ACAN: variants seen among roughly 807,000 people sequenced by gnomAD.
The protein encoded by ACAN is aggrecan core protein.
A neutral mutation model predicts 169.1 loss-of-function variants in ACAN; 47 were observed. The ratio of observed to expected loss-of-function variants is 0.28; its 90% confidence interval spans 0.22 to 0.35. The LOEUF (loss-of-function observed/expected upper bound fraction) is 0.35. Ranked by LOEUF, ACAN falls within the 10% of genes least tolerant of loss-of-function variation. The probability of loss-of-function intolerance (pLI) is 1.00; values close to 1 mark genes in which losing one functional copy is unlikely to be tolerated. For synonymous variants in ACAN, 1,115 were observed against 1,112.2 expected, an observed-to-expected ratio of 1.00 and a Z score of -0.05; for missense variants, 2,716 against 2,759.9, an observed-to-expected ratio of 0.98 and a Z score of 0.36.
intron 11 of ACAN, among the ~76,000 whole-genome samples, chr15:88,854,110 C>A (rs1207305614): frequency 6.6e-6 from 1 of 152,040 alleles, no homozygotes; most frequent in Non-Finnish European, 1.5e-5. Flanking sequence ...TTTTTCATTT[C>A]TCTGTTTTTC....
At position 88,859,123 on chromosome 15, in the gene ACAN, G is replaced by C. The variant is rs1424484084; in HGVS notation, c.6538G>C (p.Glu2180Gln). Residue 2180 changes from glutamate (E) to glutamine (Q), a missense_variant, in exon 12 of 19, where the codon GAG (glutamate) becomes CAG (glutamine). By Grantham distance (29) the Glu-to-Gln change is conservative. Transcript: ENST00000560601. The part of the protein sequence containing the change: ...ESTTTSDVGT[E>Q]APGLPSATPT... ...CACCACCACCAGTGATGTGGGGACA[G>C]AGGCACCAGGCTTGCCTTCAGCCAC... 1.9e-6 allele frequency: 3 copies of C among 1,613,746 alleles called. No homozygotes were observed. The highest frequency in any genetic ancestry group is 1.1e-5 in the South Asian group (1 of 91,092).
rs770581471 is a variant in ACAN at position 88,849,614 on chromosome 15, G to A, written c.1909G>A (p.Val637Ile). 91 of 1,611,538 alleles carry A rather than the reference G, an allele frequency of 5.6e-5. 2 individuals carry two copies. In the South Asian group the frequency reaches 6.3e-4, roughly 11 times the overall value. ...LADGSLRYPIVTPRPACGGDK... is the reference protein window; with the variant it reads ...LADGSLRYPIITPRPACGGDK... The stretch of plus-strand genomic sequence containing the variant: ...CGACGGCAGCCTCCGCTACCCCATC[G>A]TCACCCCAAGGCCTGCCTGCGGTGG... The change falls in exon 10 of 19, where the codon GTC becomes ATC. Residue 637 changes from valine (V) to isoleucine (I), a missense_variant. This residue lies in a region of ACAN where 1,283 missense variants were observed against 1,281.5 expected (regional missense o/e 1.00). Coordinates refer to ENST00000560601, the MANE Select transcript of ACAN (RefSeq NM_001369268.1). The surrounding 1 kb of genome is among the most constrained non-coding windows in gnomAD (Gnocchi z 5.1).
chr15:88,810,495 C>A (rs1242438084), intron 1 of ACAN, among the ~76,000 whole-genome samples: 1 of 152,032 alleles, frequency 6.6e-6, no homozygotes, highest in Non-Finnish European at 1.5e-5. Flanking sequence ...AAGTCTGGAC[C>A]CTTGGCCTGA....
intron 1 of ACAN, among the ~76,000 whole-genome samples, chr15:88,825,737 T>C (rs1170292702): frequency 1.3e-5 from 2 of 152,072 alleles, no homozygotes; most frequent in African/African-American, 4.8e-5. Flanking sequence ...GAGATTGATG[T>C]CATCTTTTCA....
Position 88,868,159 on chromosome 15 carries a change from C to G in ACAN, c.6947-57C>G. ...GGCCACTCAAAAGGAGGCCACAGTG[C>G]TTGTGAGGCTGGAGTTGCCGGCAGG... On this transcript the variant is annotated intron_variant, in intron 13 of 18. Coordinates refer to ENST00000560601, the MANE Select transcript of ACAN (RefSeq NM_001369268.1). The surrounding 1 kb of genome is among the most constrained non-coding windows in gnomAD (Gnocchi z 5.2). The G allele has an allele frequency of 1.5e-6, 1 of 685,572 alleles. No individual in the cohort carries two copies. The highest frequency in any genetic ancestry group is 2.7e-6 in the Non-Finnish European group (1 of 376,064). The allele number at this position is 685,572 out of a possible 1,614,324, so 42.5% of individuals were successfully genotyped here.
chr15:88,862,963 A>G (rs1382217408), intron 13 of ACAN, among the ~76,000 whole-genome samples: 1 of 145,244 alleles, frequency 6.9e-6, no homozygotes, highest in Non-Finnish European at 1.5e-5. Flanking sequence ...GTTGCACTGC[A>G]CTCCAGCCTG....
rs1030525023 is a variant in ACAN, at chr15:88,871,585, G to A, written c.7219+45G>A. 1.7e-5 allele frequency: 26 copies of A among 1,566,618 alleles called. No individual in the cohort carries two copies. Among genetic ancestry groups the A allele is most frequent in the South Asian group, 1.1e-4 (9 of 84,704 alleles). ...TGGAGCCTGAGAGGAGAGTGGCGGT[G>A]TAGGCAAAGGGCCTCACCTTTCAGA... On this transcript the variant is annotated intron_variant, in intron 15 of 18. Coordinates refer to ENST00000560601, the MANE Select transcript of ACAN (RefSeq NM_001369268.1). The surrounding 1 kb of genome is among the most constrained non-coding windows in gnomAD (Gnocchi z 7.8).
Position 88,855,622 on chromosome 15 carries a change from G to A in ACAN, c.3037G>A (p.Gly1013Arg), listed in dbSNP as rs1310225066. ...TTAPGVEDIS[G>R]LPSGEVLETT... Reference sequence around the variant, plus strand: ...TGCCCCTGGAGTAGAGGACATCAGCGGGCTTCCTTCTGGAGAAGTTCTAGA... The same window carrying A: ...TGCCCCTGGAGTAGAGGACATCAGCAGGCTTCCTTCTGGAGAAGTTCTAGA... Residue 1013 changes from glycine (G) to arginine (R), a missense_variant, in exon 12 of 19, where the codon GGG becomes AGG. This residue lies in a region of ACAN where 44 missense variants were observed against 114.7 expected (regional missense o/e 0.38). Transcript: ENST00000560601. 1.2e-4 allele frequency: 52 copies of A among 445,766 alleles called. No individual in the cohort carries two copies. Among genetic ancestry groups the A allele is most frequent in the Non-Finnish European group, 1.8e-4 (48 of 264,008 alleles). 27.6% of individuals were successfully genotyped at this position (445,766 alleles called of 1,614,324 possible).
intron 1 of ACAN, among the ~76,000 whole-genome samples, chr15:88,809,746 C>T (rs763454271): frequency 3.9e-5 from 6 of 151,994 alleles, no homozygotes; most frequent in African/African-American, 9.7e-5. Flanking sequence ...GCAGCTGCAC[C>T]GTGACAGCCC....
At chr15:88,816,585 G>A (rs1272302489) in intron 1 of ACAN, among the ~76,000 whole-genome samples, 1 of 152,186 alleles carries the variant, frequency 6.6e-6, no homozygotes, top group Non-Finnish European at 1.5e-5. Context: ...GACATAGCTG[G>A]TAAGTGGTAG....
chr15:88,827,225 C>T (rs1373254327), intron 1 of ACAN, among the ~76,000 whole-genome samples: 1 of 152,150 alleles, frequency 6.6e-6, no homozygotes, highest in Non-Finnish European at 1.5e-5. Flanking sequence ...CTGTGGCAAG[C>T]CGTGGAGACG....
chr15:88,836,095 G>A lies in ACAN; in HGVS notation c.-7-105G>A, dbSNP rs1596128624. Reference sequence around the variant, plus strand: ...CCTCCTTCTCTGGAGATGATTCCAGGTCCTTGGGTGTGGAATTATCACTTT... The same window carrying A: ...CCTCCTTCTCTGGAGATGATTCCAGATCCTTGGGTGTGGAATTATCACTTT... On this transcript the variant is annotated intron_variant, in intron 1 of 18. Transcript: ENST00000560601. 8 of 769,894 alleles carry A rather than the reference G, an allele frequency of 1.0e-5. No individual in the cohort carries two copies. In the East Asian group the frequency reaches 2.1e-4, roughly 20 times the overall value. 47.7% of individuals were successfully genotyped at this position (769,894 alleles called of 1,614,324 possible). A position where few individuals can be genotyped will look rare whatever the true frequency, so the allele number is the denominator to read the frequency against.
Position 88,855,066 on chromosome 15 carries a change from G to C in ACAN, c.2481G>C (p.Lys827Asn). 6.3e-7 allele frequency: 1 copy of C among 1,583,472 alleles called. No homozygotes were observed. ...LFPSEEPFPSKEPSPSEEPSA... is the reference protein window; with the variant it reads ...LFPSEEPFPSNEPSPSEEPSA... ...CCTCAGAGGAGCCATTCCCCTCCAAGGAGCCATCCCCCTCAGAGGAACCAT... is the reference window on the plus strand; with the variant it reads ...CCTCAGAGGAGCCATTCCCCTCCAACGAGCCATCCCCCTCAGAGGAACCAT... The change falls in exon 12 of 19, where the codon AAG (lysine) becomes AAC (asparagine). Residue 827 changes from lysine (K) to asparagine (N), a missense_variant. This residue lies in a region of ACAN where 1,283 missense variants were observed against 1,281.5 expected (regional missense o/e 1.00). Transcript: ENST00000560601.
rs189396836 is a variant in ACAN at position 88,823,386 on chromosome 15, C to T, written c.-7-12814C>T. Among the ~76,000 whole-genome samples, 31 of 152,140 alleles carry T rather than the reference C, an allele frequency of 2.0e-4. 1 individual carries two copies. Among genetic ancestry groups the T allele is most frequent in the Non-Finnish European group, 2.1e-4 (14 of 67,986 alleles). On this transcript the variant is annotated intron_variant, in intron 1 of 18. Coordinates refer to ENST00000560601, the MANE Select transcript of ACAN (RefSeq NM_001369268.1). ...GGCTGAGAACAGGAAGGGGCTGGTC[C>T]CTGGTACTAGTTTTGGTTTTTTGGT...
At chr15:88,830,911 G>A (rs183629172) in intron 1 of ACAN, among the ~76,000 whole-genome samples, 2 of 152,296 alleles carry the variant, frequency 1.3e-5, no homozygotes, top group South Asian at 2.1e-4. Flanking sequence ...GGTGATCGGC[G>A]TTTGTCAGCC....
intron 1 of ACAN, among the ~76,000 whole-genome samples, chr15:88,804,982 G>A (rs192455532): frequency 9.9e-5 from 15 of 152,274 alleles, no homozygotes. Flanking sequence ...CACCCACCTC[G>A]TCTGAAGAGG....
At chr15:88,834,612 G>T (rs577486637) in intron 1 of ACAN, among the ~76,000 whole-genome samples, 13 of 152,320 alleles carry the variant, frequency 8.5e-5, no homozygotes, top group Non-Finnish European at 1.2e-4. Flanking sequence ...TCCTCCATCC[G>T]CTCCAAGGTT....
intron 1 of ACAN, among the ~76,000 whole-genome samples, chr15:88,818,396 A>C (rs113069676): frequency 4.5e-4 from 69 of 152,196 alleles, no homozygotes; most frequent in Admixed American, 1.1e-3. Flanking sequence ...GGGAGAAAGA[A>C]TACTTTAGTG....
In ACAN at chr15:88,874,241, A is replaced by C. The variant is rs1178311919; in HGVS notation, c.7631-164A>C. Among the ~76,000 whole-genome samples, 1 of 152,160 alleles carries C rather than the reference A, an allele frequency of 6.6e-6. No individual in the cohort carries two copies. Among genetic ancestry groups the C allele is most frequent in the Non-Finnish European group, 1.5e-5 (1 of 68,028 alleles). On this transcript the variant is annotated intron_variant, in intron 18 of 18. Transcript: ENST00000560601. This position sits in a 1 kb window ranked among gnomAD's most constrained non-coding sequence, Gnocchi z 7.3. ...GCTCACTTGGAGGATGAAGGAGAAA[A>C]AGCCAGAAAGTCCAAGAAAAATCCA... is the stretch of plus-strand genomic sequence containing the variant.
Sources: gnomAD v4.1 joint callset for allele counts (sites outside exome capture counted in the v4.1 genomes callset) on GRCh38, gnomAD v4.1.1 for gene constraint, gnomAD v4.1.1 regional missense constraint, Gnocchi (gnomAD v3.1) non-coding constraint, MANE v1.5 for transcripts, NCBI Gene and HGNC (gene_info 2026-07-23, HGNC 2026-07-21) for gene names.